The following HEATR5A variants were observed in gnomAD, a reference collection of about 807,000 sequenced individuals.
HEATR5A encodes HEAT repeat containing 5A, also known as HEAT repeat-containing protein 5A.
Under a neutral mutation model 218.8 loss-of-function variants are expected in HEATR5A, and 178 were observed. The ratio of observed to expected loss-of-function variants is 0.81; its 90% CI spans 0.72 to 0.92. The LOEUF is 0.92. Among genes scored for constraint, HEATR5A ranks in the 40% least tolerant of loss-of-function variants. The pLI is 0.00. For missense variants in HEATR5A, 2,420 were observed against 2,418.9 expected, an observed-to-expected ratio of 1.00 and a Z score of -0.01; for synonymous variants, 864 against 871.6, an observed-to-expected ratio of 0.99 and a Z score of 0.15.
chr14:31,343,361 G>A (rs11624447), intron 21 of HEATR5A, among the ~76,000 whole-genome samples: 51,631 of 152,080 alleles, frequency 0.34, 10,102 homozygotes, highest in Non-Finnish European at 0.43. Flanking sequence ...GAGCCACTGC[G>A]CCTGGCCAGG....
At chr14:31,355,385 C>A (rs1901388733) in intron 16 of HEATR5A, among the ~76,000 whole-genome samples, 1 of 151,806 alleles carries the variant, frequency 6.6e-6, no homozygotes, top group African/African-American at 2.4e-5. Context: ...TGCACTCCAG[C>A]CTGGTTGACA....
At chr14:31,416,782 T>C (rs1007758641) in intron 1 of HEATR5A, among the ~76,000 whole-genome samples, 2 of 152,168 alleles carry the variant, frequency 1.3e-5, no homozygotes, top group Non-Finnish European at 2.9e-5. Flanking sequence ...TATGACCAAC[T>C]AGGAATCACT....
At chr14:31,362,263 C>T (rs1901644113) in intron 14 of HEATR5A, among the ~76,000 whole-genome samples, 1 of 152,020 alleles carries the variant, frequency 6.6e-6, no homozygotes, top group Admixed American at 6.6e-5. Context: ...GCCAATGTAC[C>T]TGGCCTAGAG....
At chr14:31,350,054 G>T in intron 17 of HEATR5A, 75 bp from the exon 18 acceptor site, 2 of 1,000,292 alleles carry the variant, frequency 2.0e-6, no homozygotes, top group South Asian at 2.5e-5. Flanking sequence ...GTACATTCTG[G>T]TTAACCAAAT....
At chr14:31,386,075 A>G (rs1366534038) in intron 9 of HEATR5A, among the ~76,000 whole-genome samples, 1 of 152,222 alleles carries the variant, frequency 6.6e-6, no homozygotes, top group Non-Finnish European at 1.5e-5. Flanking sequence ...AACACTTAAG[A>G]AAGAAAATAC....
chr14:31,314,057 C>T (rs558527368), intron 27 of HEATR5A, among the ~76,000 whole-genome samples: 1 of 152,256 alleles, frequency 6.6e-6, no homozygotes, highest in Admixed American at 6.5e-5. Flanking sequence ...AAGCAATTCT[C>T]CTGCCTCAGC....
intron 9 of HEATR5A, among the ~76,000 whole-genome samples, chr14:31,385,408 C>T (rs2030176345): frequency 6.6e-6 from 1 of 152,022 alleles, no homozygotes; most frequent in Admixed American, 6.6e-5. Flanking sequence ...GGATTACAGG[C>T]GTGAGCCACC....
At position 31,321,495 on chromosome 14, in the gene HEATR5A, T is replaced by A. The variant is rs371552065; in HGVS notation, c.3969+4A>T. The A allele has an allele frequency of 7.0e-6, 11 of 1,571,244 alleles. No individual in the cohort carries two copies. Among genetic ancestry groups the A allele is most frequent in the Admixed American group, 1.9e-5 (1 of 52,602 alleles). ...AATAAAATTCTCTAAAAGAAAGTGC[T>A]TACATTGGCTTGATACTGTTCCAGA... On this transcript the variant is annotated splice_donor_region_variant and intron_variant, in intron 25 of 35. Coordinates refer to ENST00000543095, the MANE Select transcript of HEATR5A (RefSeq NM_015473.4).
intron 1 of HEATR5A, among the ~76,000 whole-genome samples, chr14:31,406,589 T>G (rs952047631): frequency 2.6e-5 from 4 of 152,176 alleles, no homozygotes; most frequent in Non-Finnish European, 5.9e-5. Context: ...TTAAGCAATC[T>G]GACTTCAGAT....
intron 28 of HEATR5A, among the ~76,000 whole-genome samples, chr14:31,310,954 T>C (rs1899727651): frequency 6.6e-6 from 1 of 152,122 alleles, no homozygotes; most frequent in East Asian, 1.9e-4. Flanking sequence ...TAGTGCACTA[T>C]GATTGCTCCT....
intron 10 of HEATR5A, among the ~76,000 whole-genome samples, chr14:31,381,047 G>C (rs2029958939): frequency 6.6e-6 from 1 of 152,160 alleles, no homozygotes; most frequent in South Asian, 2.1e-4. Flanking sequence ...AGGAGATCGA[G>C]ACCATCCTGG....
intron 34 of HEATR5A, among the ~76,000 whole-genome samples, 192 bp downstream of exon 34, chr14:31,295,717 C>T (rs759025573): frequency 4.6e-5 from 7 of 151,974 alleles, no homozygotes; most frequent in Non-Finnish European, 8.8e-5. Flanking sequence ...CTATGCTCTA[C>T]CCTTAGGGCT....
rs977382179 is a variant in HEATR5A, at chr14:31,293,133, G to A, written c.*172C>T. 15 of 492,706 alleles carry A rather than the reference G, an allele frequency of 3.0e-5. No individual in the cohort carries two copies. Among genetic ancestry groups the A allele is most frequent in the South Asian group, 4.3e-5 (1 of 23,092 alleles). The allele number at this position is 492,706 out of a possible 1,614,324, so 30.5% of individuals were successfully genotyped here. ...AAACAAAACAAAACACAAACCCCAC[G>A]CACACACACAAAAATGTTAAGTATG... On this transcript the variant is annotated 3_prime_UTR_variant, in exon 36 of 36. Coordinates refer to ENST00000543095, the MANE Select transcript of HEATR5A (RefSeq NM_015473.4).
chr14:31,319,186 C>T (rs894688027), intron 25 of HEATR5A, among the ~76,000 whole-genome samples: 2 of 152,004 alleles, frequency 1.3e-5, no homozygotes, highest in African/African-American at 4.8e-5. Flanking sequence ...AAGTCTCACT[C>T]TTGTCCCCCA....
chr14:31,370,739 C>G (rs1595146799), intron 13 of HEATR5A, among the ~76,000 whole-genome samples: 1 of 152,058 alleles, frequency 6.6e-6, no homozygotes, highest in East Asian at 1.9e-4. Flanking sequence ...AAATATTATA[C>G]AGCAACGAAA....
chr14:31,389,691 A>G (rs1275278540), intron 6 of HEATR5A, among the ~76,000 whole-genome samples: 1 of 152,188 alleles, frequency 6.6e-6, no homozygotes, highest in Non-Finnish European at 1.5e-5. Context: ...TTGAAAATTA[A>G]TGGTCACAAG....
At chr14:31,308,219 TA>T (rs1309677954) in intron 29 of HEATR5A, among the ~76,000 whole-genome samples, 199 bp from the exon 30 acceptor site, 1 of 151,944 alleles carries the variant, frequency 6.6e-6, no homozygotes, top group Non-Finnish European at 1.5e-5. Flanking sequence ...ACAAAAAAAA[TA>T]ATCTATGCCG....
Position 31,380,447 on chromosome 14 carries a change from A to G in HEATR5A, c.1708+20T>C. Reference sequence around the variant, plus strand: ...AACACAAAGTATTTCAAGGTATGTAAACCTTCTACAGACTGTTACCTAATG... The same window carrying G: ...AACACAAAGTATTTCAAGGTATGTAGACCTTCTACAGACTGTTACCTAATG... On this transcript the variant is annotated intron_variant, in intron 11 of 35. Transcript: ENST00000543095. The G allele has an allele frequency of 6.8e-7, 1 of 1,479,346 alleles. No homozygotes were observed. The allele number at this position is 1,479,346 out of a possible 1,614,324, so 91.6% of individuals were successfully genotyped here. A position where few individuals can be genotyped will look rare whatever the true frequency, so the allele number is the denominator to read the frequency against.
At chr14:31,413,868 T>A (rs1317447224) in intron 1 of HEATR5A, among the ~76,000 whole-genome samples, 1 of 152,226 alleles carries the variant, frequency 6.6e-6, no homozygotes, top group East Asian at 1.9e-4. Context: ...CAGTAATCAC[T>A]GCTATTACTA....
Sources: gnomAD v4.1 joint callset for allele counts (sites outside exome capture counted in the v4.1 genomes callset) on GRCh38, gnomAD v4.1.1 for gene constraint, MANE v1.5 for transcripts, NCBI Gene and HGNC (gene_info 2026-07-23, HGNC 2026-07-21) for gene names.